Variants in PHF14 observed in about 807,000 individuals in gnomAD.
The protein encoded by PHF14 is PHD finger protein 14.
Under a neutral mutation model 117.9 loss-of-function variants are expected in PHF14, and 55 were observed. The observed-to-expected ratio is 0.47, with a 90% CI of 0.38 to 0.58. PHF14 has a LOEUF of 0.58. Among genes scored for constraint, PHF14 ranks in the 20% least tolerant of loss-of-function variants. The probability of loss-of-function intolerance (pLI) is 0.00; values close to 1 mark genes in which losing one functional copy is unlikely to be tolerated. For missense variants in PHF14, 978 were observed against 1,122.2 expected (o/e 0.87, Z 1.84); for synonymous variants, 409 against 368.6 (o/e 1.11, Z -1.26).
intron 17 of PHF14, among the ~76,000 whole-genome samples, chr7:11,123,990 A>G (rs1413381473): frequency 1.3e-5 from 2 of 151,314 alleles, no homozygotes; most frequent in Admixed American, 6.6e-5. Context: ...GATATCCTTT[A>G]TTTAAAATAT....
At chr7:11,165,766 A>G (rs1013461577) in intron 17 of PHF14, among the ~76,000 whole-genome samples, 1 of 152,218 alleles carries the variant, frequency 6.6e-6, no homozygotes, top group Admixed American at 6.6e-5. Flanking sequence ...ATAAATAAAG[A>G]AAAACCGAGG....
chr7:11,001,867 T>G (rs1020734618), intron 4 of PHF14, among the ~76,000 whole-genome samples: 1 of 152,236 alleles, frequency 6.6e-6, no homozygotes, highest in Non-Finnish European at 1.5e-5. Context: ...TTCCCTTTCT[T>G]GTCTTATTAC....
chr7:10,979,064 A>G (rs1422734758), intron 2 of PHF14, among the ~76,000 whole-genome samples: 3 of 152,202 alleles, frequency 2.0e-5, no homozygotes, highest in Non-Finnish European at 4.4e-5. Context: ...GATTGATGAA[A>G]TTGATGAACA....
chr7:11,006,572 C>G, intron 4 of PHF14: 1 of 597,976 alleles, frequency 1.7e-6, no homozygotes, highest in Non-Finnish European at 3.2e-6. Context: ...CTTTAACTTC[C>G]TCAGTGAACA....
chr7:11,053,637 C>T (rs1252432300), intron 14 of PHF14, among the ~76,000 whole-genome samples: 1 of 151,864 alleles, frequency 6.6e-6, no homozygotes, highest in African/African-American at 2.4e-5. Context: ...TCAAGAAAGC[C>T]TTTTGACTAG....
intron 6 of PHF14, among the ~76,000 whole-genome samples, chr7:11,024,688 T>C (rs1465592316): frequency 1.3e-5 from 2 of 152,216 alleles, no homozygotes; most frequent in Non-Finnish European, 2.9e-5. Flanking sequence ...GTTTACTGGA[T>C]ATTTTAAGCC....
intron 11 of PHF14, among the ~76,000 whole-genome samples, chr7:11,039,256 A>G (rs1418523838): frequency 6.7e-6 from 1 of 148,792 alleles, no homozygotes; most frequent in Non-Finnish European, 1.5e-5. Flanking sequence ...TATTCTTTGG[A>G]TGTATAATTT....
intron 13 of PHF14, among the ~76,000 whole-genome samples, chr7:11,047,669 C>G (rs149716753): frequency 7.3e-5 from 11 of 150,768 alleles, no homozygotes; most frequent in South Asian, 6.4e-4. Flanking sequence ...GATTCGTAAT[C>G]CCTGCTACTC....
chr7:10,984,172 C>A (rs569831363), intron 3 of PHF14, among the ~76,000 whole-genome samples: 13 of 152,062 alleles, frequency 8.5e-5, no homozygotes, highest in African/African-American at 3.1e-4. Flanking sequence ...TTTGTTCTTT[C>A]ACATTTTTCT....
At chr7:11,069,279 A>T (rs1785528102) in intron 16 of PHF14, among the ~76,000 whole-genome samples, 1 of 152,140 alleles carries the variant, frequency 6.6e-6, no homozygotes, top group Non-Finnish European at 1.5e-5. Context: ...CTGCTAAAGG[A>T]TTCCCAAACA....
At chr7:10,998,499 A>G (rs1215260012) in intron 4 of PHF14, among the ~76,000 whole-genome samples, 1 of 152,196 alleles carries the variant, frequency 6.6e-6, no homozygotes, top group Non-Finnish European at 1.5e-5. Context: ...ATTAGTGGTA[A>G]TGAATATAAA....
chr7:11,028,933 T>G (rs1343257093), intron 7 of PHF14, 115 bp downstream of exon 7: 1 of 879,042 alleles, frequency 1.1e-6, no homozygotes, highest in Admixed American at 3.2e-5. Context: ...CTTAAAGTTC[T>G]TGCCAAGATC....
chr7:11,057,057 G>A (rs905301335), intron 14 of PHF14, among the ~76,000 whole-genome samples: 10 of 151,914 alleles, frequency 6.6e-5, no homozygotes, highest in Non-Finnish European at 1.2e-4. Flanking sequence ...CACCATATGT[G>A]ACTTACTTTA....
At chr7:11,001,240 A>G (rs186574248) in intron 4 of PHF14, among the ~76,000 whole-genome samples, 3 of 152,244 alleles carry the variant, frequency 2.0e-5, no homozygotes, top group South Asian at 2.1e-4. Flanking sequence ...CAGTTTGTTC[A>G]TCAACTGACC....
intron 16 of PHF14, among the ~76,000 whole-genome samples, chr7:11,078,551 A>G (rs1348040306): frequency 6.6e-6 from 1 of 152,166 alleles, no homozygotes; most frequent in African/African-American, 2.4e-5. Flanking sequence ...TTCAAATTTC[A>G]TGATTTTGTA....
chr7:11,165,644 A>G (rs1789181533), intron 17 of PHF14, among the ~76,000 whole-genome samples: 1 of 152,204 alleles, frequency 6.6e-6, no homozygotes, highest in Admixed American at 6.5e-5. Context: ...AGATGCTAAA[A>G]TAGTTGGCCA....
chr7:11,166,589 T>A (rs1789207476), intron 17 of PHF14, among the ~76,000 whole-genome samples: 1 of 152,176 alleles, frequency 6.6e-6, no homozygotes, highest in Non-Finnish European at 1.5e-5. Flanking sequence ...AGAGCTTTAT[T>A]AGATCAAATT....
At chr7:11,081,947 G>A (rs1160093086) in intron 16 of PHF14, among the ~76,000 whole-genome samples, 2 of 151,796 alleles carry the variant, frequency 1.3e-5, no homozygotes, top group African/African-American at 4.8e-5. Context: ...GTTTTTGATA[G>A]TGAAAGTATC....
intron 13 of PHF14, among the ~76,000 whole-genome samples, chr7:11,046,882 G>T (rs1038331662): frequency 6.6e-6 from 1 of 151,884 alleles, no homozygotes; most frequent in African/African-American, 2.4e-5. Flanking sequence ...AAAAAACTCT[G>T]GTGTGGGATC....
Sources: gnomAD v4.1 joint callset for allele counts (sites outside exome capture counted in the v4.1 genomes callset) on GRCh38, gnomAD v4.1.1 for gene constraint, MANE v1.5 for transcripts, NCBI Gene and HGNC (gene_info 2026-07-23, HGNC 2026-07-21) for gene names.